Variants in TENM3 observed in about 807,000 individuals in gnomAD.
TENM3 encodes teneurin transmembrane protein 3.
A neutral mutation model predicts 255.1 loss-of-function variants in TENM3; 63 were observed. That is an observed-to-expected ratio of 0.25 (90% confidence interval 0.20 to 0.30). The LOEUF (loss-of-function observed/expected upper bound fraction) is 0.30. Among genes scored for constraint, TENM3 ranks in the 10% least tolerant of loss-of-function variants. The pLI is 1.00. For missense variants in TENM3, 2,929 were observed against 3,461.1 expected, an observed-to-expected ratio of 0.85 and a Z score of 3.86; for synonymous variants, 1,306 against 1,322.3, an observed-to-expected ratio of 0.99 and a Z score of 0.27.
At chr4:182,349,380 ATTTG>A (rs988645411) in intron 3 of TENM3, among the ~76,000 whole-genome samples, 3 of 152,178 alleles carry the variant, frequency 2.0e-5, no homozygotes, top group Admixed American at 6.5e-5. Flanking sequence ...AGATTAATTT[ATTTG>A]TTCTGAAATT....
At chr4:182,598,016 C>CA (rs1319317954) in intron 3 of TENM3, among the ~76,000 whole-genome samples, 4 of 151,952 alleles carry the variant, frequency 2.6e-5, no homozygotes, top group South Asian at 2.1e-4. Flanking sequence ...CTTGTCTCTA[C>CA]AAAAAATTTA....
At chr4:182,034,210 T>C in the TENM3 span, among the ~76,000 whole-genome samples, 2 of 152,296 alleles carry the variant, frequency 1.3e-5, no homozygotes, top group South Asian at 4.1e-4. Flanking sequence ...TTCAATTATC[T>C]CTACCTGGCC....
At chr4:181,706,698 T>C in the TENM3 span, among the ~76,000 whole-genome samples, 2 of 152,210 alleles carry the variant, frequency 1.3e-5, no homozygotes, top group African/African-American at 4.8e-5. Flanking sequence ...TTGACCTCAC[T>C]GCGCTGTGAG....
chr4:181,902,384 C>T, the TENM3 span, among the ~76,000 whole-genome samples: 1 of 152,216 alleles, frequency 6.6e-6, no homozygotes, highest in East Asian at 1.9e-4. Context: ...TCAATTTTGG[C>T]TTTTGTTGTA....
intron 3 of TENM3, among the ~76,000 whole-genome samples, chr4:182,373,516 A>G (rs1190834249): frequency 6.6e-6 from 1 of 152,168 alleles, no homozygotes; most frequent in Non-Finnish European, 1.5e-5. Flanking sequence ...AGCAAGAGAA[A>G]GGAGGAGGTA....
intron 3 of TENM3, among the ~76,000 whole-genome samples, chr4:182,564,700 C>G (rs913167414): frequency 1.3e-5 from 2 of 151,916 alleles, no homozygotes; most frequent in Non-Finnish European, 2.9e-5. Context: ...ATTGTTACAG[C>G]ATTGCTTTGG....
rs574182049 is a variant in TENM3 at position 182,413,147 on chromosome 4, G to A, written c.511+66218G>A. Reference sequence around the variant, plus strand: ...AATGATAGTCTACAAAGTATAATATGAACATCAGAAGGAGCCAGTTACACA... The same window carrying A: ...AATGATAGTCTACAAAGTATAATATAAACATCAGAAGGAGCCAGTTACACA... On this transcript the variant is annotated intron_variant, in intron 3 of 27. Coordinates refer to ENST00000511685, the MANE Select transcript of TENM3 (RefSeq NM_001080477.4). 1.1e-4 allele frequency among the ~76,000 whole-genome samples: 16 copies of A among 152,034 alleles called. No homozygotes were observed. The South Asian group carries it at 3.1e-3, about 30-fold the overall frequency.
At chr4:181,503,285 G>A in the TENM3 span, among the ~76,000 whole-genome samples, 1 of 152,140 alleles carries the variant, frequency 6.6e-6, no homozygotes, top group African/African-American at 2.4e-5. Flanking sequence ...AGGATTGCTT[G>A]AGCCCAGGAG....
rs58332965 is a variant in TENM3, at chr4:182,603,784, T to TATATATATATAG, written c.749+2624_749+2625insTATATATATAGA. Among the ~76,000 whole-genome samples, 21 of 134,160 alleles carry TATATATATATAG rather than the reference T, an allele frequency of 1.6e-4. 1 individual carries two copies. Among genetic ancestry groups the TATATATATATAG allele is most frequent in the Admixed American group, 2.3e-4 (3 of 13,176 alleles). 88.0% of individuals were successfully genotyped at this position (134,160 alleles called of 152,430 possible). A position where few individuals can be genotyped will look rare whatever the true frequency, so the allele number is the denominator to read the frequency against. On this transcript the variant is annotated intron_variant, in intron 4 of 27. Transcript: ENST00000511685. ...AATTATTTATATATATATATATATA[T>TATATATATATAG]ACACACACACACCGATTTTGCTAAT...
intron 3 of TENM3, among the ~76,000 whole-genome samples, chr4:182,510,972 G>A (rs951877914): frequency 6.6e-6 from 1 of 152,178 alleles, no homozygotes; most frequent in Non-Finnish European, 1.5e-5. Flanking sequence ...CATTAGCCAA[G>A]AGCAGGCTTG....
At chr4:182,782,196 C>T (rs11505093) in intron 24 of TENM3, among the ~76,000 whole-genome samples, 12,210 of 43,432 alleles carry the variant, frequency 0.28, 1,447 homozygotes, top group Non-Finnish European at 0.32. Context: ...GCATTTAGTG[C>T]TATAAATTTC....
intron 2 of TENM3, among the ~76,000 whole-genome samples, chr4:182,336,033 G>T (rs960330161): frequency 3.3e-5 from 5 of 152,168 alleles, no homozygotes; most frequent in Non-Finnish European, 7.4e-5. Context: ...TATATCCAGG[G>T]AATATGCCTA....
At chr4:181,662,173 A>G in the TENM3 span, among the ~76,000 whole-genome samples, 1 of 152,212 alleles carries the variant, frequency 6.6e-6, no homozygotes, top group African/African-American at 2.4e-5. Flanking sequence ...ATTTATTTAA[A>G]AATTCAAACG....
At position 182,544,323 on chromosome 4, in the gene TENM3, A is replaced by ATTTTTT. The variant is rs35639483; in HGVS notation, c.512-56580_512-56575dup. Among the ~76,000 whole-genome samples the ATTTTTT allele has an allele frequency of 3.5e-4, 24 of 69,328 alleles. 1 individual carries two copies. Among genetic ancestry groups the ATTTTTT allele is most frequent in the African/African-American group, 1.2e-3 (22 of 17,742 alleles). The allele number at this position is 69,328 out of a possible 152,430, so 45.5% of individuals were successfully genotyped here. A position where few individuals can be genotyped will look rare whatever the true frequency, so the allele number is the denominator to read the frequency against. ...AGCTCCCTCCAGCACAGCATTGTGG[A>ATTTTTT]TTTTTTTTTTTTTTTTTTTTTTTTT... On this transcript the variant is annotated intron_variant, in intron 3 of 27. Transcript: ENST00000511685.
At chr4:181,823,360 T>C in the TENM3 span, among the ~76,000 whole-genome samples, 1 of 151,978 alleles carries the variant, frequency 6.6e-6, no homozygotes, top group Non-Finnish European at 1.5e-5. Context: ...TTGGTCTCTC[T>C]CCTCCTCCTC....
At chr4:182,234,107 C>A (rs930169298) in intron 1 of TENM3, among the ~76,000 whole-genome samples, 1 of 152,136 alleles carries the variant, frequency 6.6e-6, no homozygotes, top group South Asian at 2.1e-4. Flanking sequence ...CCAAGTTCAC[C>A]GTGAAAGCCT....
chr4:181,666,025 A>T, the TENM3 span, among the ~76,000 whole-genome samples: 1 of 152,142 alleles, frequency 6.6e-6, no homozygotes, highest in Non-Finnish European at 1.5e-5. Flanking sequence ...ATGATTTTGC[A>T]TTGTCATGTC....
intron 13 of TENM3, among the ~76,000 whole-genome samples, chr4:182,724,437 T>A (rs1760005364): frequency 6.6e-6 from 1 of 152,254 alleles, no homozygotes; most frequent in African/African-American, 2.4e-5. Flanking sequence ...GTCACTTGCT[T>A]GGGCAAGTTA....
At chr4:181,960,183 T>A in the TENM3 span, among the ~76,000 whole-genome samples, 1 of 152,242 alleles carries the variant, frequency 6.6e-6, no homozygotes, top group African/African-American at 2.4e-5. Context: ...ACTTTCCATC[T>A]ATTTAGCATT....
Sources: allele counts gnomAD v4.1 joint callset (sites outside exome capture counted in the v4.1 genomes callset), GRCh38; gene constraint gnomAD v4.1.1; transcripts MANE v1.5; gene names NCBI Gene and HGNC (gene_info 2026-07-23, HGNC 2026-07-21).